The following ADGRL2 variants were observed in gnomAD, a reference collection of about 807,000 sequenced individuals.
ADGRL2 encodes adhesion G protein-coupled receptor L2, also known as calcium-independent alpha-latrotoxin receptor 2.
ADGRL2 carries 44 observed loss-of-function variants against 157.4 expected under a neutral mutation model. The observed-to-expected ratio is 0.28, with a 90% CI of 0.22 to 0.36. The LOEUF is 0.36. Ranked by LOEUF, ADGRL2 falls within the 10% of genes least tolerant of loss-of-function variation. The pLI, the probability that ADGRL2 is intolerant of heterozygous loss-of-function variation, is 1.00. For missense variants in ADGRL2, 1,510 were observed against 1,768.9 expected (o/e 0.85, Z 2.63); for synonymous variants, 585 against 624.7 (o/e 0.94, Z 0.95).
intron 2 of ADGRL2, among the ~76,000 whole-genome samples, chr1:81,896,148 G>T (rs755386715): frequency 1.3e-5 from 2 of 152,078 alleles, no homozygotes; most frequent in Non-Finnish European, 2.9e-5. Flanking sequence ...TGAAATTGTC[G>T]TTTACTTATT....
intron 1 of ADGRL2, among the ~76,000 whole-genome samples, chr1:81,815,762 A>C (rs1016770033): frequency 3.3e-5 from 5 of 151,740 alleles, no homozygotes; most frequent in Admixed American, 1.3e-4. Flanking sequence ...ATTTTCTTAT[A>C]TTGTGTTACT....
chr1:81,484,370 A>G (rs1335715915), intron 2 of ADGRL2, among the ~76,000 whole-genome samples: 1 of 152,106 alleles, frequency 6.6e-6, no homozygotes. Flanking sequence ...TTCTGAATGA[A>G]CCTCAACACA....
chr1:81,505,929 G>T (rs529538945), intron 2 of ADGRL2: 3 of 296,064 alleles, frequency 1.0e-5, no homozygotes, highest in Non-Finnish European at 2.0e-5. Context: ...TGCAAAAGAT[G>T]GGCCCAAATA....
intron 3 of ADGRL2, among the ~76,000 whole-genome samples, chr1:81,584,383 CAT>C (rs140779170): frequency 0.023 from 3,475 of 152,084 alleles, 132 homozygotes; most frequent in African/African-American, 0.08. Context: ...ACTAATGAAA[CAT>C]AAAGTACTCT....
At chr1:81,896,790 T>C (rs1300266646) in intron 2 of ADGRL2, among the ~76,000 whole-genome samples, 1 of 152,154 alleles carries the variant, frequency 6.6e-6, no homozygotes, top group African/African-American at 2.4e-5. Context: ...GGAGGTAATA[T>C]AAGTACAAAG....
intron 1 of ADGRL2, among the ~76,000 whole-genome samples, chr1:81,395,520 C>T (rs2076639680): frequency 6.6e-6 from 1 of 152,126 alleles, no homozygotes; most frequent in Admixed American, 6.6e-5. Flanking sequence ...TGGATTGTTT[C>T]CTTTCTTTGC....
intron 2 of ADGRL2, among the ~76,000 whole-genome samples, chr1:81,877,360 A>G (rs2093867991): frequency 1.3e-5 from 2 of 152,138 alleles, no homozygotes; most frequent in South Asian, 2.1e-4. Context: ...TGTTTTACAT[A>G]TCTTTAAAAT....
intron 2 of ADGRL2, among the ~76,000 whole-genome samples, chr1:81,840,421 C>CTTTA (rs1377122502): frequency 6.6e-6 from 1 of 151,860 alleles, no homozygotes; most frequent in Non-Finnish European, 1.5e-5. Context: ...TTTGGATTTG[C>CTTTA]TTTACATCGG....
intron 2 of ADGRL2, among the ~76,000 whole-genome samples, chr1:81,560,500 G>A (rs540379355): frequency 6.6e-6 from 1 of 152,266 alleles, no homozygotes; most frequent in South Asian, 2.1e-4. Flanking sequence ...ATAGGCAACA[G>A]CCTCTATTTT....
chr1:81,532,794 C>G (rs922452022), intron 2 of ADGRL2, among the ~76,000 whole-genome samples: 1 of 151,642 alleles, frequency 6.6e-6, no homozygotes, highest in Admixed American at 6.6e-5. Flanking sequence ...GTGACACATG[C>G]CTGTGGTCCC....
chr1:81,383,963 A>AAAAAAG (rs759285295), intron 1 of ADGRL2, among the ~76,000 whole-genome samples: 3,374 of 150,036 alleles, frequency 0.022, 63 homozygotes, highest in Middle Eastern at 0.084. Context: ...CAAAAAAAAA[A>AAAAAAG]AAAAGAAAAG....
intron 2 of ADGRL2, among the ~76,000 whole-genome samples, chr1:81,449,150 A>G (rs927042681): frequency 6.6e-6 from 1 of 152,060 alleles, no homozygotes; most frequent in African/African-American, 2.4e-5. Context: ...GATACTATGG[A>G]TTTATATTAT....
At chr1:81,456,848 TTC>T (rs944204073) in intron 2 of ADGRL2, among the ~76,000 whole-genome samples, 1 of 152,106 alleles carries the variant, frequency 6.6e-6, no homozygotes, top group Non-Finnish European at 1.5e-5. Context: ...TCCTTTTGTC[TTC>T]TGTTTTCCTC....
At chr1:81,483,710 G>C (rs903544131) in intron 2 of ADGRL2, among the ~76,000 whole-genome samples, 1 of 152,136 alleles carries the variant, frequency 6.6e-6, no homozygotes, top group East Asian at 1.9e-4. Context: ...TGTTAACCAG[G>C]TTATTCCTTA....
intron 3 of ADGRL2, 35 bp from the exon 4 acceptor site, chr1:81,936,693 T>A: frequency 8.8e-7 from 1 of 1,132,578 alleles, no homozygotes; most frequent in Non-Finnish European, 1.3e-6. Context: ...TCAAATAAAT[T>A]ATGTTACACA....
At chr1:81,368,485 C>T (rs116523453) in intron 1 of ADGRL2, among the ~76,000 whole-genome samples, 2 of 152,266 alleles carry the variant, frequency 1.3e-5, no homozygotes, top group South Asian at 4.1e-4. Flanking sequence ...TTAAGGCCTC[C>T]ATATTTCTCC....
chr1:81,706,486 G>A (rs1164319016), intron 1 of ADGRL2, among the ~76,000 whole-genome samples: 1 of 152,200 alleles, frequency 6.6e-6, no homozygotes, highest in African/African-American at 2.4e-5. Flanking sequence ...TGTCTTTCCA[G>A]AGAAGAGCAG....
intron 2 of ADGRL2, among the ~76,000 whole-genome samples, chr1:81,905,825 ATG>A (rs2094572891): frequency 6.6e-6 from 1 of 152,140 alleles, no homozygotes; most frequent in Admixed American, 6.5e-5. Context: ...TGCCACAGAA[ATG>A]TGTCAGCTTC....
intron 1 of ADGRL2, among the ~76,000 whole-genome samples, chr1:81,419,084 G>T: frequency 6.6e-6 from 1 of 152,324 alleles, no homozygotes; most frequent in Non-Finnish European, 1.5e-5. Context: ...TCAAAAGTAG[G>T]TGAAGGAACT....
Sources: gnomAD v4.1 joint callset for allele counts (sites outside exome capture counted in the v4.1 genomes callset) on GRCh38, gnomAD v4.1.1 for gene constraint, MANE v1.5 for transcripts, NCBI Gene and HGNC (gene_info 2026-07-23, HGNC 2026-07-21) for gene names.